The following CFAP299 variants were observed in gnomAD, a reference collection of about 807,000 sequenced individuals.
CFAP299 encodes the protein cilia- and flagella-associated protein 299.
CFAP299 carries 21 observed loss-of-function variants against 27.0 expected under a neutral mutation model. That is an observed-to-expected ratio of 0.78 (90% confidence interval 0.55 to 1.12). The LOEUF (loss-of-function observed/expected upper bound fraction) is 1.12. CFAP299 is among the 50% of genes most tolerant of loss of function. CFAP299 has a pLI of 0.00. For synonymous variants in CFAP299, 104 were observed against 98.1 expected (o/e 1.06, Z -0.36); for missense variants, 310 against 276.6 (o/e 1.12, Z -0.86).
chr4:80,337,665 T>C (rs1160411361), intron 1 of CFAP299, among the ~76,000 whole-genome samples: 1 of 152,206 alleles, frequency 6.6e-6, no homozygotes. Context: ...CCCAAAGTGC[T>C]GGAATTACAG....
At position 80,430,919 on chromosome 4, in the gene CFAP299, C is replaced by A. The variant is rs576025595; in HGVS notation, c.242+68035C>A. 4.7e-4 allele frequency among the ~76,000 whole-genome samples: 71 copies of A among 152,298 alleles called. 1 individual carries two copies. The highest frequency in any genetic ancestry group is 1.6e-3 in the African/African-American group (68 of 41,558). On this transcript the variant is annotated intron_variant, in intron 2 of 5. Transcript: ENST00000358105. ...CTCCAGATGTTGTCCAACACCAGGG[C>A]CTTTTTTTGTGGGAACCTTTTCTTC...
At chr4:80,771,933 C>A (rs532352005) in intron 3 of CFAP299, among the ~76,000 whole-genome samples, 21 of 152,224 alleles carry the variant, frequency 1.4e-4, no homozygotes, top group African/African-American at 5.1e-4. Context: ...CGATGACAGA[C>A]CCAGCCTAGA....
At chr4:80,558,943 C>T (rs935434376) in intron 2 of CFAP299, among the ~76,000 whole-genome samples, 1 of 152,042 alleles carries the variant, frequency 6.6e-6, no homozygotes, top group Non-Finnish European at 1.5e-5. Context: ...CGAGAAAAAT[C>T]ATAATCATTT....
At chr4:80,945,834 AC>A (rs929009756) in intron 5 of CFAP299, among the ~76,000 whole-genome samples, 16 of 152,104 alleles carry the variant, frequency 1.1e-4, no homozygotes, top group African/African-American at 3.9e-4. Flanking sequence ...TTTCATATCC[AC>A]TTAGTACAGT....
chr4:80,853,574 A>G (rs974160534), intron 3 of CFAP299, among the ~76,000 whole-genome samples: 5 of 152,204 alleles, frequency 3.3e-5, no homozygotes, highest in Non-Finnish European at 7.4e-5. Flanking sequence ...ATATCATACA[A>G]AAGGGCCCTA....
At position 80,957,380 on chromosome 4, in the gene CFAP299, A is replaced by AAG. The variant is rs1738124827; in HGVS notation, c.607-6137_607-6136insAG. Among the ~76,000 whole-genome samples the AAG allele has an allele frequency of 3.3e-5, 5 of 152,170 alleles. 1 individual carries two copies. The highest frequency in any genetic ancestry group is 3.3e-4 in the Admixed American group (5 of 15,272). ...CTGTTGTGTATGTGTAACGGTTTTT[A>AAG]GCACTCTTTTTATACATTATTAAGA... On this transcript the variant is annotated intron_variant, in intron 5 of 5. Coordinates refer to ENST00000358105, the MANE Select transcript of CFAP299 (RefSeq NM_152770.3).
At chr4:80,605,370 C>G (rs561590633) in intron 3 of CFAP299, among the ~76,000 whole-genome samples, 2 of 152,172 alleles carry the variant, frequency 1.3e-5, no homozygotes, top group African/African-American at 4.8e-5. Context: ...AATGATTTTT[C>G]TAAAGTGTTT....
intron 3 of CFAP299, among the ~76,000 whole-genome samples, chr4:80,714,188 C>T (rs1025474609): frequency 6.6e-6 from 1 of 152,000 alleles, no homozygotes; most frequent in Non-Finnish European, 1.5e-5. Context: ...AGATCCTCCT[C>T]CTAGAGGATA....
At chr4:80,681,128 A>G (rs946533350) in intron 3 of CFAP299, among the ~76,000 whole-genome samples, 2 of 152,164 alleles carry the variant, frequency 1.3e-5, no homozygotes, top group African/African-American at 4.8e-5. Context: ...TAAGAAGTGT[A>G]ATATTTGTCA....
intron 3 of CFAP299, among the ~76,000 whole-genome samples, chr4:80,596,173 G>A (rs1341355407): frequency 6.6e-6 from 1 of 152,154 alleles, no homozygotes; most frequent in Non-Finnish European, 1.5e-5. Flanking sequence ...ATGAACCATA[G>A]CATCTTAGAA....
chr4:80,836,688 TG>T (rs1389485363), intron 3 of CFAP299, among the ~76,000 whole-genome samples: 4 of 152,140 alleles, frequency 2.6e-5, no homozygotes, highest in African/African-American at 9.7e-5. Context: ...GAATCCCTTA[TG>T]TCAAGGAAAG....
chr4:80,331,613 C>T (rs1004137419), upstream of CFAP299, among the ~76,000 whole-genome samples: 1 of 152,124 alleles, frequency 6.6e-6, no homozygotes, highest in Non-Finnish European at 1.5e-5. Context: ...AAGTAAGGTT[C>T]AAGACTGTCT....
At position 80,880,758 on chromosome 4, in the gene CFAP299, T is replaced by TAAAATA. The variant is rs771412772; in HGVS notation, c.476+10626_476+10627insATAAAA. Among the ~76,000 whole-genome samples the TAAAATA allele has an allele frequency of 9.5e-3, 1,443 of 151,206 alleles. 33 individuals are homozygous for TAAAATA. The highest frequency in any genetic ancestry group is 0.033 in the African/African-American group (1,340 of 40,806). On this transcript the variant is annotated intron_variant, in intron 4 of 5. Coordinates refer to ENST00000358105, the MANE Select transcript of CFAP299 (RefSeq NM_152770.3). ...AAAATAAAATAAAATAAAATAAAAT[T>TAAAATA]AAATTAAATTAAAATTTTAAAAAGA...
intron 2 of CFAP299, among the ~76,000 whole-genome samples, chr4:80,526,138 G>T (rs1304300568): frequency 2.0e-5 from 3 of 152,056 alleles, no homozygotes; most frequent in Non-Finnish European, 4.4e-5. Context: ...CTTTTGGCCG[G>T]AAGTCGGGTC....
intron 2 of CFAP299, among the ~76,000 whole-genome samples, chr4:80,524,075 G>C: frequency 6.6e-6 from 1 of 152,100 alleles, no homozygotes; most frequent in African/African-American, 2.4e-5. Context: ...ATAGCTGGAA[G>C]GGGAAATACT....
chr4:80,390,163 C>T (rs1725248074), intron 2 of CFAP299, among the ~76,000 whole-genome samples: 1 of 151,928 alleles, frequency 6.6e-6, no homozygotes, highest in Non-Finnish European at 1.5e-5. Flanking sequence ...TAGCACATTT[C>T]AAGTATACAA....
chr4:80,716,203 T>A (rs2110041178), intron 3 of CFAP299, among the ~76,000 whole-genome samples: 1 of 152,108 alleles, frequency 6.6e-6, no homozygotes, highest in African/African-American at 2.4e-5. Flanking sequence ...TTTGAAGTGT[T>A]ATATTATTGC....
In CFAP299 at chr4:80,606,931, G is replaced by T. The variant is rs1737708778; in HGVS notation, c.333+23748G>T. Among the ~76,000 whole-genome samples the T allele has an allele frequency of 1.3e-5, 2 of 152,022 alleles. 1 individual carries two copies. Among genetic ancestry groups the T allele is most frequent in the South Asian group, 4.2e-4 (2 of 4,816 alleles). Reference sequence around the variant, plus strand: ...AGCAGGCTACTTTTGCATTTAAATTGGGATAATAACTTTGATATAATCATC... The same window carrying T: ...AGCAGGCTACTTTTGCATTTAAATTTGGATAATAACTTTGATATAATCATC... On this transcript the variant is annotated intron_variant, in intron 3 of 5. Transcript: ENST00000358105.
chr4:80,588,502 CT>C (rs1736562364), intron 3 of CFAP299, among the ~76,000 whole-genome samples: 2 of 150,916 alleles, frequency 1.3e-5, no homozygotes, highest in Non-Finnish European at 2.9e-5. Flanking sequence ...TTAATGACAT[CT>C]TTAGTGTTAC....
Sources: allele counts gnomAD v4.1 joint callset (sites outside exome capture counted in the v4.1 genomes callset), GRCh38; gene constraint gnomAD v4.1.1; transcripts MANE v1.5; gene names NCBI Gene and HGNC (gene_info 2026-07-23, HGNC 2026-07-21).